Variants in MAPK10 observed in about 807,000 individuals in gnomAD.
MAPK10 encodes mitogen-activated protein kinase 10.
In MAPK10, 25 loss-of-function variants were observed where a neutral mutation model predicts 59.3. The ratio of observed to expected loss-of-function variants is 0.42; its 90% CI spans 0.31 to 0.59. The LOEUF (loss-of-function observed/expected upper bound fraction) is 0.59, where lower values mean the gene tolerates loss of function less well. Ranked by LOEUF, MAPK10 falls within the 20% of genes least tolerant of loss-of-function variation. The probability of loss-of-function intolerance (pLI) is 0.15; values close to 1 mark genes in which losing one functional copy is unlikely to be tolerated. For missense variants in MAPK10, 351 were observed against 568.9 expected (o/e 0.62, Z 3.90); for synonymous variants, 190 against 200.5 (o/e 0.95, Z 0.44).
intron 2 of MAPK10, among the ~76,000 whole-genome samples, chr4:86,201,007 T>C (rs1207173452): frequency 6.6e-6 from 1 of 151,852 alleles, no homozygotes; most frequent in African/African-American, 2.4e-5. Context: ...TTCTCTCCAC[T>C]ACCCTTCCCA....
intron 2 of MAPK10, among the ~76,000 whole-genome samples, chr4:86,319,462 C>A (rs1328438983): frequency 6.6e-6 from 1 of 152,140 alleles, no homozygotes; most frequent in Non-Finnish European, 1.5e-5. Flanking sequence ...CTTTCTAAGT[C>A]ATTCCATTGT....
chr4:86,186,455 AGTAGTTACAG>A (rs1165826723), intron 3 of MAPK10, among the ~76,000 whole-genome samples: 15 of 152,314 alleles, frequency 9.8e-5, no homozygotes, highest in African/African-American at 3.6e-4. Flanking sequence ...AAGTACATAC[AGTAGTTACAG>A]AAAGCATATG....
chr4:86,169,043 C>A (rs1434899959), intron 3 of MAPK10, among the ~76,000 whole-genome samples: 1 of 151,844 alleles, frequency 6.6e-6, no homozygotes, highest in Non-Finnish European at 1.5e-5. Context: ...GAAAGGACAT[C>A]CACACCAAAA....
chr4:86,378,519 T>C (rs1390581118), intron 1 of MAPK10, among the ~76,000 whole-genome samples: 1 of 152,190 alleles, frequency 6.6e-6, no homozygotes, highest in East Asian at 1.9e-4. Flanking sequence ...GATATGTTCA[T>C]TTTCTGTCTC....
chr4:86,133,459 T>C (rs1163877689), intron 4 of MAPK10, among the ~76,000 whole-genome samples: 3 of 152,220 alleles, frequency 2.0e-5, no homozygotes, highest in Non-Finnish European at 4.4e-5. Flanking sequence ...TCCAAAATTT[T>C]ATAAGCTTAA....
rs527932540 is a variant in MAPK10 at position 86,173,267 on chromosome 4, A to G, written c.67-13800T>C. The stretch of plus-strand genomic sequence containing the variant: ...TAAACAGTAGAATACGAGTATAAAA[A>G]CAGATACATAGATCAATTGAACAGA... On this transcript the variant is annotated intron_variant, in intron 3 of 13. Coordinates refer to ENST00000641462, the MANE Select transcript of MAPK10 (RefSeq NM_138982.4). Among the ~76,000 whole-genome samples the G allele has an allele frequency of 1.8e-4, 28 of 152,316 alleles. No homozygotes were observed. In the South Asian group the frequency reaches 3.7e-3, roughly 20 times the overall value.
chr4:86,225,464 A>C (rs2090445800), intron 2 of MAPK10, among the ~76,000 whole-genome samples: 1 of 152,022 alleles, frequency 6.6e-6, no homozygotes, highest in Non-Finnish European at 1.5e-5. Flanking sequence ...GACTCCTGAA[A>C]GCTTGTGTGT....
intron 4 of MAPK10, among the ~76,000 whole-genome samples, chr4:86,111,202 T>G (rs1295753312): frequency 6.6e-6 from 1 of 152,192 alleles, no homozygotes; most frequent in African/African-American, 2.4e-5. Context: ...CTCTTCTTAT[T>G]TGAATATCCT....
In MAPK10 at chr4:86,031,424, G is replaced by A; in HGVS notation, c.1118C>T (p.Pro373Leu). 6.2e-7 allele frequency: 1 copy of A among 1,611,682 alleles called. No individual in the cohort carries two copies. The highest frequency in any genetic ancestry group is 8.5e-7 in the Non-Finnish European group (1 of 1,178,272). The change falls in exon 12 of 14, where the codon CCT (proline) becomes CTT (leucine). Residue 373 changes from proline to leucine, a missense_variant. Physicochemically the swap from Pro to Leu is moderately conservative, Grantham distance 98. This residue lies in a region of MAPK10 where 155 missense variants were observed against 204.2 expected (regional missense o/e 0.76). Transcript: ENST00000641462. ...YDPAEVEAPP[P>L]QIYDKQLDER... ...ATCCAACTGCTTGTCATATATCTGAGGTGGAGGCTGCCGAATAAAAACAAA... is the reference window on the plus strand; with the variant it reads ...ATCCAACTGCTTGTCATATATCTGAAGTGGAGGCTGCCGAATAAAAACAAA...
chr4:86,205,713 T>G (rs66544335), intron 2 of MAPK10, among the ~76,000 whole-genome samples: 49,218 of 151,834 alleles, frequency 0.32, 10,995 homozygotes, highest in African/African-American at 0.64. Context: ...AAAGAAAAAT[T>G]CTTGTCATAT....
At chr4:86,324,499 A>G (rs940583909) in intron 2 of MAPK10, among the ~76,000 whole-genome samples, 9 of 152,184 alleles carry the variant, frequency 5.9e-5, no homozygotes, top group Middle Eastern at 3.2e-3. Flanking sequence ...GGGGTGTCCA[A>G]TAAAAAAGGC....
At chr4:86,374,137 C>T (rs1020904396) in intron 1 of MAPK10, among the ~76,000 whole-genome samples, 1 of 152,146 alleles carries the variant, frequency 6.6e-6, no homozygotes, top group Non-Finnish European at 1.5e-5. Context: ...AACCATCATT[C>T]TCAGCAAACT....
At chr4:86,119,478 C>G (rs778983539) in intron 4 of MAPK10, 1 of 151,808 alleles carries the variant, frequency 6.6e-6, no homozygotes, top group Non-Finnish European at 1.5e-5. Context: ...CACCTGTAAT[C>G]CCAGCTACTC....
chr4:86,543,052 C>A (rs1565012336), intron 1 of MAPK10, among the ~76,000 whole-genome samples: 1 of 152,114 alleles, frequency 6.6e-6, no homozygotes, highest in Non-Finnish European at 1.5e-5. Flanking sequence ...TAGAGGGAAC[C>A]AGTGAAAGGC....
chr4:86,036,180 AT>A (rs2040252680), intron 11 of MAPK10, among the ~76,000 whole-genome samples: 1 of 152,210 alleles, frequency 6.6e-6, no homozygotes, highest in Non-Finnish European at 1.5e-5. Flanking sequence ...CCAGAAAGGC[AT>A]GATAGAAAGC....
In MAPK10 at chr4:86,221,070, G is replaced by A. The variant is rs562491087; in HGVS notation, c.-6-26663C>T. The stretch of plus-strand genomic sequence containing the variant: ...CCACTGAGCTAGCCCACAGTCTCCC[G>A]AATAGAAGGCGGCTGGGAAGTGCCC... On this transcript the variant is annotated intron_variant, in intron 2 of 13. Coordinates refer to ENST00000641462, the MANE Select transcript of MAPK10 (RefSeq NM_138982.4). Among the ~76,000 whole-genome samples the A allele has an allele frequency of 5.6e-4, 85 of 152,244 alleles. 1 individual carries two copies. The highest frequency in any genetic ancestry group is 5.4e-3 in the Admixed American group (83 of 15,288).
At chr4:86,323,933 T>G (rs1480857412) in intron 2 of MAPK10, among the ~76,000 whole-genome samples, 1 of 152,208 alleles carries the variant, frequency 6.6e-6, no homozygotes, top group Non-Finnish European at 1.5e-5. Flanking sequence ...AATGCAGGGT[T>G]AGACTAATAA....
At chr4:86,459,202 C>T (rs1038511711) in intron 1 of MAPK10, among the ~76,000 whole-genome samples, 1 of 152,166 alleles carries the variant, frequency 6.6e-6, no homozygotes, top group African/African-American at 2.4e-5. Context: ...CAAGTCAAAA[C>T]CACAATGCAA....
At chr4:86,372,794 C>A (rs1351190738) in intron 1 of MAPK10, among the ~76,000 whole-genome samples, 1 of 152,232 alleles carries the variant, frequency 6.6e-6, no homozygotes, top group Non-Finnish European at 1.5e-5. Context: ...GCACTAAATG[C>A]CCACATCAGA....
Sources: gnomAD v4.1 joint callset for allele counts (sites outside exome capture counted in the v4.1 genomes callset) on GRCh38, gnomAD v4.1.1 for gene constraint, gnomAD v4.1.1 regional missense constraint, MANE v1.5 for transcripts, NCBI Gene and HGNC (gene_info 2026-07-23, HGNC 2026-07-21) for gene names.